ATP11A: variants seen among roughly 807,000 people sequenced by gnomAD.
ATP11A encodes phospholipid-transporting ATPase IH.
In ATP11A, 81 loss-of-function variants were observed where a neutral mutation model predicts 154.4. The ratio of observed to expected loss-of-function variants is 0.52; its 90% CI spans 0.44 to 0.63. ATP11A has a LOEUF of 0.63. ATP11A is among the 30% of genes least tolerant of loss of function. The pLI, the probability that ATP11A is intolerant of heterozygous loss-of-function variation, is 0.00. For missense variants in ATP11A, 1,316 were observed against 1,474.3 expected (o/e 0.89, Z 1.76); for synonymous variants, 623 against 585.9 (o/e 1.06, Z -0.91).
intron 1 of ATP11A, among the ~76,000 whole-genome samples, chr13:112,742,451 G>T (rs771041503): frequency 2.0e-5 from 3 of 152,204 alleles, no homozygotes; most frequent in Non-Finnish European, 4.4e-5. Context: ...CAGGTCGTGT[G>T]TGGGGGGACT....
intron 1 of ATP11A, among the ~76,000 whole-genome samples, chr13:112,748,558 GT>G (rs2076613812): frequency 6.6e-6 from 1 of 152,056 alleles, no homozygotes; most frequent in Non-Finnish European, 1.5e-5. Context: ...TAGAGACAGG[GT>G]TCTGCTCTGT....
At chr13:112,828,315 G>C (rs2078996069) in intron 12 of ATP11A, among the ~76,000 whole-genome samples, 1 of 146,406 alleles carries the variant, frequency 6.8e-6, no homozygotes. Context: ...GTTGAGTAGG[G>C]GGGAAAGCAC....
At chr13:112,699,284 T>TA (rs1886237606) in intron 1 of ATP11A, among the ~76,000 whole-genome samples, 1 of 152,220 alleles carries the variant, frequency 6.6e-6, no homozygotes, top group East Asian at 1.9e-4. Flanking sequence ...TCTGAATGTG[T>TA]TTAAGTAACC....
Position 112,884,032 on chromosome 13 carries a change from T to G in ATP11A, c.*2166T>G, listed in dbSNP as rs1262255595. On this transcript the variant is annotated 3_prime_UTR_variant, in exon 30 of 30. Coordinates refer to ENST00000375645, the MANE Select transcript of ATP11A (RefSeq NM_015205.3). ...ACTGTCTAATTTTAAAAATAGGTTTTTAAAGCTTTCATTTTTAAGTTTATG... is the reference window on the plus strand; with the variant it reads ...ACTGTCTAATTTTAAAAATAGGTTTGTAAAGCTTTCATTTTTAAGTTTATG... 1 of 152,522 alleles carries G rather than the reference T, an allele frequency of 6.6e-6. No individual in the cohort carries two copies. The highest frequency in any genetic ancestry group is 1.5e-5 in the Non-Finnish European group (1 of 68,050). The allele number at this position is 152,522 out of a possible 1,614,324, so 9.4% of individuals were successfully genotyped here.
chr13:112,816,041 G>A, intron 5 of ATP11A, 42 bp from the exon 6 acceptor site: 1 of 1,611,968 alleles, frequency 6.2e-7, no homozygotes, highest in Non-Finnish European at 8.5e-7. Context: ...AGCTTTCACG[G>A]AGGGGCTTTC....
intron 1 of ATP11A, among the ~76,000 whole-genome samples, chr13:112,693,973 A>C (rs1885500280): frequency 6.6e-6 from 1 of 152,224 alleles, no homozygotes; most frequent in Non-Finnish European, 1.5e-5. Flanking sequence ...GAGTATTTTT[A>C]ACAGCATGGA....
At chr13:112,761,656 CT>C (rs2076966807) in intron 1 of ATP11A, among the ~76,000 whole-genome samples, 1 of 140,854 alleles carries the variant, frequency 7.1e-6, no homozygotes, top group Non-Finnish European at 1.6e-5. Flanking sequence ...AGAAGCACCC[CT>C]GAGGATAAAG....
At chr13:112,876,970 C>T (rs1220866889) in intron 28 of ATP11A, among the ~76,000 whole-genome samples, 2 of 152,192 alleles carry the variant, frequency 1.3e-5, no homozygotes, top group African/African-American at 4.8e-5. Flanking sequence ...GACATTGGTG[C>T]CGATTTGAAA....
At chr13:112,692,206 G>A (rs1010563772) in intron 1 of ATP11A, among the ~76,000 whole-genome samples, 1 of 152,224 alleles carries the variant, frequency 6.6e-6, no homozygotes, top group African/African-American at 2.4e-5. Context: ...TCCTTCGAGC[G>A]AAATGGAAGA....
At chr13:112,740,214 C>G (rs145595729) in intron 1 of ATP11A, among the ~76,000 whole-genome samples, 6,547 of 151,712 alleles carry the variant, frequency 0.043, 482 homozygotes, top group African/African-American at 0.15. Flanking sequence ...GAGTCTCGCT[C>G]TGTTGCCCAG....
At chr13:112,751,516 C>T (rs1282672710) in intron 1 of ATP11A, among the ~76,000 whole-genome samples, 4 of 151,948 alleles carry the variant, frequency 2.6e-5, no homozygotes, top group Non-Finnish European at 4.4e-5. Flanking sequence ...AAAAATTAGC[C>T]GGATGTGGTG....
chr13:112,802,837 C>A (rs1223598061), intron 2 of ATP11A, among the ~76,000 whole-genome samples: 1 of 152,178 alleles, frequency 6.6e-6, no homozygotes, highest in Admixed American at 6.5e-5. Flanking sequence ...ATATGAGCCA[C>A]TGACTGGGAG....
chr13:112,748,723 C>T (rs1188025853), intron 1 of ATP11A, among the ~76,000 whole-genome samples: 3 of 152,144 alleles, frequency 2.0e-5, no homozygotes, highest in Non-Finnish European at 4.4e-5. Context: ...CCGAAATAAG[C>T]AATTGTGTTT....
rs2076763865 is a variant in ATP11A at position 112,754,267 on chromosome 13, C to G, written c.40-30868C>G. Among the ~76,000 whole-genome samples, 1 of 152,326 alleles carries G rather than the reference C, an allele frequency of 6.6e-6. No individual in the cohort carries two copies. Among genetic ancestry groups the G allele is most frequent in the South Asian group, 2.1e-4 (1 of 4,824 alleles). ...TTCTCACTGGCGGGACTGTTCACCT[C>G]TGCAATCTGCCCCTTAGTGCCTCGG... is the stretch of plus-strand genomic sequence containing the variant. On this transcript the variant is annotated intron_variant, in intron 1 of 29. Coordinates refer to ENST00000375645, the MANE Select transcript of ATP11A (RefSeq NM_015205.3). The surrounding 1 kb of genome is among the most constrained non-coding windows in gnomAD (Gnocchi z 5.3).
intron 1 of ATP11A, among the ~76,000 whole-genome samples, chr13:112,772,391 C>G (rs565009277): frequency 1.3e-5 from 2 of 152,130 alleles, no homozygotes; most frequent in Admixed American, 1.3e-4. Flanking sequence ...CTCAGCCTGT[C>G]GCGAGTGTGT....
rs1303637337 is a variant in ATP11A, at chr13:112,690,274, C to T, written c.-143C>T. ...GGGCCGGGCATGAGCGCGGAGGGGC[C>T]GCGGCCGCCCCCTGCACCGCCCGGC... On this transcript the variant is annotated 5_prime_UTR_variant, in exon 1 of 30. Coordinates refer to ENST00000375645, the MANE Select transcript of ATP11A (RefSeq NM_015205.3). This position sits in a 1 kb window ranked among gnomAD's most constrained non-coding sequence, Gnocchi z 5.6. 1 of 392,112 alleles carries T rather than the reference C, an allele frequency of 2.6e-6. No homozygotes were observed. The highest frequency in any genetic ancestry group is 1.3e-4 in the East Asian group (1 of 7,912). The allele number at this position is 392,112 out of a possible 1,614,324, so 24.3% of individuals were successfully genotyped here. A position where few individuals can be genotyped will look rare whatever the true frequency, so the allele number is the denominator to read the frequency against.
intron 17 of ATP11A, among the ~76,000 whole-genome samples, chr13:112,843,345 G>A (rs60547031): frequency 0.011 from 1,606 of 152,142 alleles, 44 homozygotes; most frequent in African/African-American, 0.037. Context: ...CTGGGTGGAC[G>A]CGCTCCCTCT....
chr13:112,732,262 TCTAA>T (rs1890562976), intron 1 of ATP11A, among the ~76,000 whole-genome samples: 1 of 152,172 alleles, frequency 6.6e-6, no homozygotes, highest in African/African-American at 2.4e-5. Flanking sequence ...TAAAACAAAG[TCTAA>T]CTTACTGTAG....
At chr13:112,858,352 C>T in intron 22 of ATP11A, 62 bp downstream of exon 22, 1 of 1,525,516 alleles carries the variant, frequency 6.6e-7, no homozygotes, top group Admixed American at 2.0e-5. Context: ...GGTGGCACGA[C>T]CCTTGTCTGA....
Sources: allele counts gnomAD v4.1 joint callset (sites outside exome capture counted in the v4.1 genomes callset), GRCh38; gene constraint gnomAD v4.1.1; non-coding constraint Gnocchi (gnomAD v3.1); transcripts MANE v1.5; gene names NCBI Gene and HGNC (gene_info 2026-07-23, HGNC 2026-07-21).